Variants in FIRRM observed in about 807,000 individuals in gnomAD.
FIRRM encodes the protein FIGNL1 interacting regulator of recombination and mitosis.
At chr1:169,800,630 T>C in the FIRRM span, among the ~76,000 whole-genome samples, 6 of 152,250 alleles carry the variant, frequency 3.9e-5, 1 homozygote, top group East Asian at 7.7e-4. Flanking sequence ...GTCATTTTAA[T>C]GATGGCAGAT....
the FIRRM span, chr1:169,795,301 A>G: frequency 6.9e-7 from 1 of 1,447,628 alleles, no homozygotes; most frequent in East Asian, 2.5e-5. Flanking sequence ...ACCCACCGCC[A>G]GGCTGGGTTA....
the FIRRM span, chr1:169,853,671 AAAAG>A: frequency 1.9e-6 from 3 of 1,603,490 alleles, no homozygotes; most frequent in South Asian, 3.3e-5. Context: ...TTTTTTTAAA[AAAAG>A]GGAATCCTTT....
At chr1:169,834,797 C>T in the FIRRM span, among the ~76,000 whole-genome samples, 11 of 152,158 alleles carry the variant, frequency 7.2e-5, no homozygotes, top group East Asian at 5.8e-4. Context: ...TTGGAAACCA[C>T]GGCACTATCT....
At chr1:169,827,964 T>C in the FIRRM span, 1 of 991,382 alleles carries the variant, frequency 1.0e-6, no homozygotes, top group Non-Finnish European at 1.5e-6. Context: ...TAATAGTTAT[T>C]GTGTAGACAC....
the FIRRM span, chr1:169,851,080 G>A: frequency 1.8e-5 from 1 of 55,986 alleles, no homozygotes; most frequent in African/African-American, 9.2e-5. Flanking sequence ...TTTTGGCATG[G>A]CTTTTTTATT....
chr1:169,841,902 G>A, the FIRRM span, among the ~76,000 whole-genome samples: 1 of 152,098 alleles, frequency 6.6e-6, no homozygotes, highest in Non-Finnish European at 1.5e-5. Context: ...TTATGGCTGG[G>A]TGCGGTGGCT....
At chr1:169,795,902 T>G in the FIRRM span, 9 of 985,480 alleles carry the variant, frequency 9.1e-6, no homozygotes, top group Non-Finnish European at 1.1e-5. Flanking sequence ...GCTTAGCGCC[T>G]TCTTCGTCCG....
At chr1:169,784,550 T>TTTGC in the FIRRM span, among the ~76,000 whole-genome samples, 39 of 152,354 alleles carry the variant, frequency 2.6e-4, no homozygotes, top group African/African-American at 4.6e-4. Context: ...TGTTTGTCTG[T>TTTGC]TTGCTTGCTT....
chr1:169,796,514 C>G, the FIRRM span, among the ~76,000 whole-genome samples: 1 of 152,218 alleles, frequency 6.6e-6, no homozygotes, highest in Non-Finnish European at 1.5e-5. Context: ...GTCTCACACA[C>G]CCGATCAGTA....
At chr1:169,813,977 A>G in the FIRRM span, among the ~76,000 whole-genome samples, 1 of 152,248 alleles carries the variant, frequency 6.6e-6, no homozygotes, top group Admixed American at 6.5e-5. Flanking sequence ...GTTGGGTATG[A>G]CAAGAATGAC....
At chr1:169,846,311 C>G in the FIRRM span, among the ~76,000 whole-genome samples, 6 of 151,946 alleles carry the variant, frequency 3.9e-5, no homozygotes, top group African/African-American at 9.7e-5. Flanking sequence ...TTCTTAAGGG[C>G]CTTAGGATTT....
the FIRRM span, chr1:169,826,952 A>G: frequency 8.5e-6 from 9 of 1,061,234 alleles, no homozygotes; most frequent in African/African-American, 1.3e-4. Flanking sequence ...TTAGTTTTTA[A>G]TATATTTTTA....
chr1:169,810,007 A>G, the FIRRM span, among the ~76,000 whole-genome samples: 2 of 152,142 alleles, frequency 1.3e-5, no homozygotes, highest in African/African-American at 4.8e-5. Context: ...GCACCAGTAG[A>G]TTTGGTGTCT....
chr1:169,804,803 C>T, the FIRRM span, among the ~76,000 whole-genome samples: 5 of 152,136 alleles, frequency 3.3e-5, no homozygotes, highest in South Asian at 8.3e-4. Context: ...CTGCCTCAGC[C>T]TCATGAGTAG....
At chr1:169,843,053 A>G in the FIRRM span, among the ~76,000 whole-genome samples, 1 of 152,262 alleles carries the variant, frequency 6.6e-6, no homozygotes, top group East Asian at 1.9e-4. Flanking sequence ...TTGAAAATAT[A>G]GCCTGTTTGT....
chr1:169,820,373 G>A, the FIRRM span, among the ~76,000 whole-genome samples: 53 of 152,240 alleles, frequency 3.5e-4, no homozygotes, highest in African/African-American at 1.3e-3. Context: ...TTTTGGGGAG[G>A]ATAAAAGCTC....
At chr1:169,798,278 CTTTT>C in the FIRRM span, among the ~76,000 whole-genome samples, 4 of 141,762 alleles carry the variant, frequency 2.8e-5, no homozygotes, top group African/African-American at 5.2e-5. Context: ...GACCGTCTCT[CTTTT>C]TTTTTTTTTT....
the FIRRM span, among the ~76,000 whole-genome samples, chr1:169,815,101 G>A: frequency 6.6e-6 from 1 of 151,912 alleles, no homozygotes; most frequent in Non-Finnish European, 1.5e-5. Flanking sequence ...TTGGAGACCA[G>A]CCTGGCCAAC....
the FIRRM span, among the ~76,000 whole-genome samples, chr1:169,843,152 T>C: frequency 6.6e-6 from 1 of 152,222 alleles, no homozygotes; most frequent in Admixed American, 6.5e-5. Context: ...ATGATAGATA[T>C]GATTTTACAG....
Sources: allele counts gnomAD v4.1 joint callset (sites outside exome capture counted in the v4.1 genomes callset), GRCh38; gene constraint gnomAD v4.1.1; transcripts MANE v1.5; gene names NCBI Gene and HGNC (gene_info 2026-07-23, HGNC 2026-07-21).